The following ROCK2 variants were observed in gnomAD, a reference collection of about 807,000 sequenced individuals.
The protein encoded by ROCK2 is Rho associated coiled-coil containing protein kinase 2.
ROCK2 carries 61 observed loss-of-function variants against 195.1 expected under a neutral mutation model. That is an observed-to-expected ratio of 0.31 (90% CI 0.25 to 0.39). The LOEUF is 0.39. Ranked by LOEUF, ROCK2 falls within the 10% of genes least tolerant of loss-of-function variation. The probability of loss-of-function intolerance (pLI) is 1.00; values close to 1 mark genes in which losing one functional copy is unlikely to be tolerated. For missense variants in ROCK2, 1,109 were observed against 1,637.4 expected (o/e 0.68, Z 5.57); for synonymous variants, 504 against 545.5 (o/e 0.92, Z 1.06).
In ROCK2 at chr2:11,220,013, TTTGTTG is replaced by T. The variant is rs146777252; in HGVS notation, c.1260-993_1260-988del. ...GGCGCAAACCACCACATCTGGCTTT[TTTGTTG>T]TTGTTGTTGTTGTTGAGATGGAGTT... On this transcript the variant is annotated intron_variant, in intron 9 of 32. Transcript: ENST00000315872. Among the ~76,000 whole-genome samples, 113 of 151,848 alleles carry T rather than the reference TTTGTTG, an allele frequency of 7.4e-4. 1 individual carries two copies. The highest frequency in any genetic ancestry group is 6.8e-3 in the Middle Eastern group (2 of 294).
At chr2:11,306,466 C>A (rs1445464776) in intron 1 of ROCK2, among the ~76,000 whole-genome samples, 1 of 152,154 alleles carries the variant, frequency 6.6e-6, no homozygotes, top group Middle Eastern at 3.2e-3. Context: ...TATTATCTAG[C>A]TCCTTATTAA....
In ROCK2 at chr2:11,227,411, G is replaced by C. The variant is rs752487433; in HGVS notation, c.724-13C>G. 1.2e-6 allele frequency: 2 copies of C among 1,600,348 alleles called. No homozygotes were observed. The highest frequency in any genetic ancestry group is 1.8e-5 in the Admixed American group (1 of 56,962). On this transcript the variant is annotated splice_polypyrimidine_tract_variant and intron_variant, in intron 5 of 32. Coordinates refer to ENST00000315872, the MANE Select transcript of ROCK2 (RefSeq NM_004850.5). ...GTACCATGCCTGTCTGCATGAACAG[G>C]AGAGATAAAGAAAAAACAGTTCAGT...
intron 1 of ROCK2, among the ~76,000 whole-genome samples, chr2:11,317,600 A>AT (rs1276721556): frequency 6.0e-5 from 1 of 16,594 alleles, no homozygotes; most frequent in Non-Finnish European, 1.3e-4. Context: ...ATATATATAT[A>AT]TATATATATA....
At chr2:11,223,423 T>C (rs1200273145) in intron 7 of ROCK2, among the ~76,000 whole-genome samples, 2 of 152,160 alleles carry the variant, frequency 1.3e-5, no homozygotes, top group Non-Finnish European at 2.9e-5. Context: ...GAATTCCACC[T>C]TTAAGATTTT....
intron 1 of ROCK2, among the ~76,000 whole-genome samples, chr2:11,296,690 A>T (rs1223976159): frequency 1.3e-5 from 2 of 152,194 alleles, no homozygotes; most frequent in Non-Finnish European, 2.9e-5. Context: ...CACATTTTTT[A>T]TACTAACAGA....
Position 11,235,674 on chromosome 2 carries a change from T to G in ROCK2, c.723+28A>C. On this transcript the variant is annotated intron_variant, in intron 5 of 32. Transcript: ENST00000315872. This position sits in a 1 kb window ranked among gnomAD's most constrained non-coding sequence, Gnocchi z 4.2. ...CATTTATTTCTGTCCCTCAAAACAC[T>G]ATCGTTTTAAATAATTTGCTTACTT... The G allele has an allele frequency of 6.3e-7, 1 of 1,580,108 alleles. No individual in the cohort carries two copies. Among genetic ancestry groups the G allele is most frequent in the Non-Finnish European group, 8.6e-7 (1 of 1,163,256 alleles).
At chr2:11,317,576 T>TTATATATCTATA (rs1668237737) in intron 1 of ROCK2, among the ~76,000 whole-genome samples, 1 of 29,584 alleles carries the variant, frequency 3.4e-5, no homozygotes, top group African/African-American at 1.6e-4. Flanking sequence ...ATCTACACAT[T>TTATATATCTATA]TATATATATA....
At chr2:11,187,370 A>G (rs1186400438) in intron 32 of ROCK2, among the ~76,000 whole-genome samples, 1 of 152,204 alleles carries the variant, frequency 6.6e-6, no homozygotes, top group African/African-American at 2.4e-5. Context: ...TGTCCAGCAT[A>G]TCCATGCTTG....
At chr2:11,283,337 G>T (rs1395112501) in intron 3 of ROCK2, among the ~76,000 whole-genome samples, 2 of 150,298 alleles carry the variant, frequency 1.3e-5, no homozygotes, top group African/African-American at 4.9e-5. Context: ...GAGGCGGGTG[G>T]ATCATGAGGT....
intron 27 of ROCK2, among the ~76,000 whole-genome samples, chr2:11,196,777 A>G (rs1363371770): frequency 6.6e-6 from 1 of 152,212 alleles, no homozygotes; most frequent in Non-Finnish European, 1.5e-5. Flanking sequence ...TGAGAACTGG[A>G]AGGCTTAGTG....
At chr2:11,295,176 CAAT>C (rs894666790) in intron 1 of ROCK2, among the ~76,000 whole-genome samples, 2 of 151,818 alleles carry the variant, frequency 1.3e-5, no homozygotes, top group Non-Finnish European at 2.9e-5. Context: ...AAATTACATA[CAAT>C]GTTACCTGAA....
intron 5 of ROCK2, among the ~76,000 whole-genome samples, chr2:11,232,976 G>T (rs1007261696): frequency 2.0e-5 from 3 of 152,198 alleles, no homozygotes; most frequent in Non-Finnish European, 4.4e-5. Context: ...CATTTTAGGA[G>T]GCTGAGGCAG....
chr2:11,204,150 T>A (rs566142368), intron 20 of ROCK2, among the ~76,000 whole-genome samples: 1 of 152,262 alleles, frequency 6.6e-6, no homozygotes, highest in South Asian at 2.1e-4. Flanking sequence ...GTTTCATTTG[T>A]GTTTTATCTT....
chr2:11,277,012 C>T (rs950641861), intron 3 of ROCK2, among the ~76,000 whole-genome samples: 5 of 152,074 alleles, frequency 3.3e-5, no homozygotes, highest in Non-Finnish European at 7.4e-5. Context: ...TACAGAAAAA[C>T]CGAATAGGGT....
Position 11,235,399 on chromosome 2 carries a change from C to T in ROCK2, c.723+303G>A, listed in dbSNP as rs915047944. 1.2e-4 allele frequency among the ~76,000 whole-genome samples: 18 copies of T among 152,146 alleles called. No individual in the cohort carries two copies. The highest frequency in any genetic ancestry group is 3.4e-3 in the Middle Eastern group (1 of 294). On this transcript the variant is annotated intron_variant, in intron 5 of 32. Transcript: ENST00000315872. The surrounding 1 kb of genome is among the most constrained non-coding windows in gnomAD (Gnocchi z 4.2). ...ATTTAGATTTTGTGTCCTTCTTCAC[C>T]TAAATTATACATATGAACCGGTTTT...
Position 11,184,392 on chromosome 2 carries a change from G to A in ROCK2, c.4164-952C>T, listed in dbSNP as rs202068280. 2.6e-5 allele frequency among the ~76,000 whole-genome samples: 4 copies of A among 152,158 alleles called. No homozygotes were observed. The East Asian group carries it at 7.7e-4, about 29-fold the overall frequency. On this transcript the variant is annotated intron_variant, in intron 32 of 32. Coordinates refer to ENST00000315872, the MANE Select transcript of ROCK2 (RefSeq NM_004850.5). Reference sequence around the variant, plus strand: ...ATGGCTTCTTTGGAATGAACAGAACGTATCAGAATTAACTCCTTTTGTGAT... The same window carrying A: ...ATGGCTTCTTTGGAATGAACAGAACATATCAGAATTAACTCCTTTTGTGAT...
At chr2:11,195,264 C>T (rs1202567740) in intron 27 of ROCK2, 1 of 216,028 alleles carries the variant, frequency 4.6e-6, no homozygotes, top group African/African-American at 2.4e-5. Context: ...TTTATAAAGT[C>T]AAATGTTCCA....
At chr2:11,344,647 G>T (rs1297641319), upstream of ROCK2, 6 of 147,062 alleles carry the variant, frequency 4.1e-5, no homozygotes, top group African/African-American at 1.5e-4. The surrounding 1 kb of genome is among the most constrained non-coding windows in gnomAD (Gnocchi z 5.4). Flanking sequence ...CCGGCCGCGC[G>T]CCGCCGCTAC....
chr2:11,328,963 T>C (rs1668632382), intron 1 of ROCK2, among the ~76,000 whole-genome samples: 1 of 151,492 alleles, frequency 6.6e-6, no homozygotes, highest in South Asian at 2.1e-4. Flanking sequence ...ATATACCTAA[T>C]GCTAAATGAC....
Sources: allele counts gnomAD v4.1 joint callset (sites outside exome capture counted in the v4.1 genomes callset), GRCh38; gene constraint gnomAD v4.1.1; non-coding constraint Gnocchi (gnomAD v3.1); transcripts MANE v1.5; gene names NCBI Gene and HGNC (gene_info 2026-07-23, HGNC 2026-07-21).